The following ZC3H12C variants were observed in gnomAD, a reference collection of about 807,000 sequenced individuals.
ZC3H12C encodes the protein probable ribonuclease ZC3H12C.
A neutral mutation model predicts 76.3 loss-of-function variants in ZC3H12C; 20 were observed. The ratio of observed to expected loss-of-function variants is 0.26; its 90% CI spans 0.18 to 0.38. ZC3H12C has a LOEUF of 0.38. Among genes scored for constraint, ZC3H12C ranks in the 10% least tolerant of loss-of-function variants. The probability of loss-of-function intolerance (pLI) is 1.00; values close to 1 mark genes in which losing one functional copy is unlikely to be tolerated. For synonymous variants in ZC3H12C, 352 were observed against 399.6 expected, an observed-to-expected ratio of 0.88 and a Z score of 1.42; for missense variants, 874 against 1,086.5, an observed-to-expected ratio of 0.80 and a Z score of 2.75.
chr11:110,138,185 A>G (rs1862005237), intron 2 of ZC3H12C, among the ~76,000 whole-genome samples: 1 of 152,110 alleles, frequency 6.6e-6, no homozygotes, highest in South Asian at 2.1e-4. Context: ...TCTAAATTCA[A>G]TCAGCTTATG....
At chr11:110,155,397 A>G (rs752776929) in intron 3 of ZC3H12C, among the ~76,000 whole-genome samples, 14 of 152,194 alleles carry the variant, frequency 9.2e-5, no homozygotes, top group Non-Finnish European at 2.1e-4. Context: ...CAACCTGTCA[A>G]GAAAGTAGTT....
At position 110,126,090 on chromosome 11, in the gene ZC3H12C, A is replaced by G. The variant is rs1402175662; in HGVS notation, c.22-10573A>G. ...ATGAATAGTAAATTGATATGCATCT[A>G]TTATTTTTATTTACCTATTGGTAGT... On this transcript the variant is annotated intron_variant, in intron 1 of 5. Coordinates refer to ENST00000278590, the MANE Select transcript of ZC3H12C (RefSeq NM_033390.2). Among the ~76,000 whole-genome samples, 4 of 152,236 alleles carry G rather than the reference A, an allele frequency of 2.6e-5. 1 individual carries two copies. The South Asian group carries it at 8.3e-4, about 32-fold the overall frequency.
intron 1 of ZC3H12C, among the ~76,000 whole-genome samples, chr11:110,109,032 C>T (rs1861383261): frequency 1.3e-5 from 2 of 151,954 alleles, no homozygotes; most frequent in East Asian, 1.9e-4. Flanking sequence ...TTGAATATAC[C>T]GTATAATTTC....
chr11:110,128,730 A>G (rs536706640), intron 1 of ZC3H12C, among the ~76,000 whole-genome samples: 1 of 152,170 alleles, frequency 6.6e-6, no homozygotes, highest in Middle Eastern at 3.4e-3. Flanking sequence ...CTTTGTGTGG[A>G]TATATGTTAC....
intron 4 of ZC3H12C, among the ~76,000 whole-genome samples, chr11:110,160,028 G>A (rs984819153): frequency 1.3e-5 from 2 of 152,236 alleles, no homozygotes; most frequent in Admixed American, 1.3e-4. Context: ...AACTTGTATA[G>A]CATGCTACTG....
At chr11:110,129,617 C>G (rs1023655589) in intron 1 of ZC3H12C, among the ~76,000 whole-genome samples, 2 of 152,224 alleles carry the variant, frequency 1.3e-5, no homozygotes, top group Admixed American at 6.5e-5. Flanking sequence ...AGTCTAGGCT[C>G]TGCATAAATC....
Position 110,167,666 on chromosome 11 carries a change from C to T in ZC3H12C, c.*1929C>T, listed in dbSNP as rs1196115384. 1 of 152,146 alleles carries T rather than the reference C, an allele frequency of 6.6e-6. No homozygotes were observed. Among genetic ancestry groups the T allele is most frequent in the Non-Finnish European group, 1.5e-5 (1 of 68,016 alleles). The allele number at this position is 152,146 out of a possible 1,614,324, so 9.4% of individuals were successfully genotyped here. Reference sequence around the variant, plus strand: ...GGATTTGGGTATACAGTAAATGCTTCTAAAAGGCATTGTGCATATTGACAT... The same window carrying T: ...GGATTTGGGTATACAGTAAATGCTTTTAAAAGGCATTGTGCATATTGACAT... On this transcript the variant is annotated 3_prime_UTR_variant, in exon 6 of 6. Coordinates refer to ENST00000278590, the MANE Select transcript of ZC3H12C (RefSeq NM_033390.2).
chr11:110,159,579 C>A, intron 4 of ZC3H12C, 89 bp downstream of exon 4: 1 of 1,109,098 alleles, frequency 9.0e-7, no homozygotes, highest in Non-Finnish European at 1.3e-6. Flanking sequence ...CTTTTTGCCA[C>A]TGTCCAGACT....
chr11:110,115,748 CTTT>C (rs71476067), intron 1 of ZC3H12C, among the ~76,000 whole-genome samples: 2,051 of 120,368 alleles, frequency 0.017, 14 homozygotes, highest in Middle Eastern at 0.028. Flanking sequence ...TTCTCATTTT[CTTT>C]TTTTTTTTTT....
intron 1 of ZC3H12C, among the ~76,000 whole-genome samples, chr11:110,100,320 A>G (rs1349202233): frequency 1.3e-5 from 2 of 150,952 alleles, no homozygotes; most frequent in Non-Finnish European, 2.9e-5. Context: ...CTGGGATTAC[A>G]GGCGTGAGCC....
At position 110,123,050 on chromosome 11, in the gene ZC3H12C, TATTGTTTATTTCTGGA is replaced by T. The variant is rs527725964; in HGVS notation, c.22-13593_22-13578del. 3.5e-4 allele frequency among the ~76,000 whole-genome samples: 54 copies of T among 152,354 alleles called. No individual in the cohort carries two copies. The East Asian group carries it at 5.6e-3, about 16-fold the overall frequency. Reference sequence around the variant, plus strand: ...GCACACAATTAAAAATGTATTAATTTATTGTTTATTTCTGGAATTGTTTATTTCTGGAATTTTGCAT... The same window carrying T: ...GCACACAATTAAAAATGTATTAATTTATTGTTTATTTCTGGAATTTTGCAT... On this transcript the variant is annotated intron_variant, in intron 1 of 5. Coordinates refer to ENST00000278590, the MANE Select transcript of ZC3H12C (RefSeq NM_033390.2).
intron 4 of ZC3H12C, among the ~76,000 whole-genome samples, chr11:110,159,941 C>T (rs1862449657): frequency 6.6e-6 from 1 of 152,242 alleles, no homozygotes; most frequent in Admixed American, 6.5e-5. Flanking sequence ...ATAGAGTGTA[C>T]TTACACAAAC....
At chr11:110,097,694 CA>C (rs1472192359) in intron 1 of ZC3H12C, among the ~76,000 whole-genome samples, 1 of 152,152 alleles carries the variant, frequency 6.6e-6, no homozygotes, top group Non-Finnish European at 1.5e-5. Context: ...ATGAGGGTTC[CA>C]ATTAATTTAG....
chr11:110,118,840 T>A (rs1861606066), intron 1 of ZC3H12C, among the ~76,000 whole-genome samples: 1 of 151,664 alleles, frequency 6.6e-6, no homozygotes, highest in South Asian at 2.1e-4. Flanking sequence ...AAGAAATATA[T>A]AAGTTCCCCG....
At chr11:110,151,681 C>A (rs1000702073) in intron 2 of ZC3H12C, among the ~76,000 whole-genome samples, 3 of 152,116 alleles carry the variant, frequency 2.0e-5, no homozygotes, top group African/African-American at 7.2e-5. Context: ...TATCGGGTCA[C>A]CCTTCTTACC....
At chr11:110,117,958 C>CAT (rs370179673) in intron 1 of ZC3H12C, among the ~76,000 whole-genome samples, 20,899 of 82,664 alleles carry the variant, frequency 0.25, 8,073 homozygotes, top group African/African-American at 0.54. Flanking sequence ...TATACACACA[C>CAT]ATATATACAC....
intron 2 of ZC3H12C, among the ~76,000 whole-genome samples, chr11:110,143,992 A>G (rs1862116640): frequency 6.6e-6 from 1 of 152,206 alleles, no homozygotes; most frequent in Admixed American, 6.5e-5. Context: ...ACATCTTAGA[A>G]TATAGCAAAC....
At chr11:110,105,897 G>A (rs1861314626) in intron 1 of ZC3H12C, among the ~76,000 whole-genome samples, 2 of 152,146 alleles carry the variant, frequency 1.3e-5, no homozygotes, top group Non-Finnish European at 2.9e-5. Context: ...TGTGATAAAT[G>A]TATATATAGG....
chr11:110,163,526 C>A, intron 5 of ZC3H12C, 147 bp downstream of exon 5: 1 of 574,252 alleles, frequency 1.7e-6, no homozygotes, highest in Non-Finnish European at 2.9e-6. Context: ...ACGTCTTAGC[C>A]ATGAAAAAGA....
Sources: gnomAD v4.1 joint callset for allele counts (sites outside exome capture counted in the v4.1 genomes callset) on GRCh38, gnomAD v4.1.1 for gene constraint, MANE v1.5 for transcripts, NCBI Gene and HGNC (gene_info 2026-07-23, HGNC 2026-07-21) for gene names.